The following RFX4 variants were observed in gnomAD, a reference collection of about 807,000 sequenced individuals.
RFX4 encodes the protein regulatory factor X4, also known as transcription factor RFX4.
In RFX4, 10 loss-of-function variants were observed where a neutral mutation model predicts 95.0. The ratio of observed to expected loss-of-function variants is 0.11; its 90% CI spans 0.06 to 0.18. The LOEUF is 0.18. Ranked by LOEUF, RFX4 falls within the 10% of genes least tolerant of loss-of-function variation. RFX4 has a pLI of 1.00. For missense variants in RFX4, 640 were observed against 922.0 expected (o/e 0.69, Z 3.96); for synonymous variants, 321 against 340.7 (o/e 0.94, Z 0.64).
At chr12:106,691,929 T>C (rs1293017006) in intron 7 of RFX4, among the ~76,000 whole-genome samples, 1 of 151,932 alleles carries the variant, frequency 6.6e-6, no homozygotes, top group African/African-American at 2.4e-5. Flanking sequence ...GAGGCCGAGG[T>C]GGGCAGATCA....
intron 1 of RFX4, among the ~76,000 whole-genome samples, chr12:106,595,120 A>ACGG (rs2039599891): frequency 3.3e-5 from 5 of 152,212 alleles, no homozygotes; most frequent in Non-Finnish European, 7.3e-5. Flanking sequence ...TTTAACTCAC[A>ACGG]TATTGACTCT....
At chr12:106,604,273 G>GC (rs2039777799) in intron 1 of RFX4, among the ~76,000 whole-genome samples, 1 of 151,728 alleles carries the variant, frequency 6.6e-6, no homozygotes, top group African/African-American at 2.4e-5. Flanking sequence ...GGCGTGTGCT[G>GC]CCCACACCCG....
At chr12:106,711,067 C>T (rs1393060545) in intron 9 of RFX4, among the ~76,000 whole-genome samples, 1 of 152,202 alleles carries the variant, frequency 6.6e-6, no homozygotes, top group Non-Finnish European at 1.5e-5. Context: ...TTTAAAGGGA[C>T]TTCTTCAAAG....
chr12:106,682,063 C>T lies in RFX4; in HGVS notation c.377+9C>T, dbSNP rs755570948. Reference sequence around the variant, plus strand: ...ACCCGAGGACAGTCAAAGTAAGCACCGGACGGCCATTCCACCTGCAGAGCG... The same window carrying T: ...ACCCGAGGACAGTCAAAGTAAGCACTGGACGGCCATTCCACCTGCAGAGCG... On this transcript the variant is annotated intron_variant, in intron 5 of 17. Coordinates refer to ENST00000392842, the MANE Select transcript of RFX4 (RefSeq NM_213594.3). The T allele has an allele frequency of 1.3e-5, 21 of 1,613,886 alleles. No individual in the cohort carries two copies. Among genetic ancestry groups the T allele is most frequent in the South Asian group, 6.6e-5 (6 of 91,082 alleles).
At position 106,647,918 on chromosome 12, in the gene RFX4, G is replaced by A. The variant is rs748055069; in HGVS notation, c.192-6310G>A. On this transcript the variant is annotated intron_variant, in intron 3 of 17. Coordinates refer to ENST00000392842, the MANE Select transcript of RFX4 (RefSeq NM_213594.3). The stretch of plus-strand genomic sequence containing the variant: ...CCCAGGCTATATGCTTGTAAGTGGT[G>A]GAGGCAGGATTCAAAGTCAGTGATC... 3.9e-5 allele frequency among the ~76,000 whole-genome samples: 6 copies of A among 152,238 alleles called. No individual in the cohort carries two copies. The South Asian group carries it at 1.2e-3, about 32-fold the overall frequency.
At chr12:106,658,145 A>C (rs1288961257) in intron 4 of RFX4, among the ~76,000 whole-genome samples, 1 of 152,172 alleles carries the variant, frequency 6.6e-6, no homozygotes, top group African/African-American at 2.4e-5. Flanking sequence ...TGTATGATTT[A>C]TATTTACATT....
At chr12:106,682,121 T>A in intron 5 of RFX4, 67 bp downstream of exon 5, 1 of 1,525,914 alleles carries the variant, frequency 6.6e-7, no homozygotes. Context: ...GGCCACACCC[T>A]TGGCTCTTTA....
chr12:106,644,365 C>G (rs2040699332), intron 3 of RFX4, among the ~76,000 whole-genome samples: 1 of 151,414 alleles, frequency 6.6e-6, no homozygotes. Context: ...TTCTAAGAAG[C>G]TGGGATTACA....
intron 4 of RFX4, among the ~76,000 whole-genome samples, chr12:106,661,096 G>C (rs927231424): frequency 2.0e-5 from 3 of 152,158 alleles, no homozygotes; most frequent in African/African-American, 2.4e-5. Flanking sequence ...GTCAGGTTTT[G>C]AGCCCTGAAC....
At position 106,761,628 on chromosome 12, in the gene RFX4, G is replaced by A. The variant is rs149915929; in HGVS notation, c.*159G>A. 3,320 of 402,806 alleles carry A rather than the reference G, an allele frequency of 8.2e-3. 29 individuals carry two copies. The highest frequency in any genetic ancestry group is 8.9e-3 in the Non-Finnish European group (2,365 of 266,832). 25.0% of individuals were successfully genotyped at this position (402,806 alleles called of 1,614,324 possible). A position where few individuals can be genotyped will look rare whatever the true frequency, so the allele number is the denominator to read the frequency against. ...TAATGAACATGAGGATGGGATCAAT[G>A]TGGGATGAATAAACTTTAGTTCAGA... is the stretch of plus-strand genomic sequence containing the variant. On this transcript the variant is annotated 3_prime_UTR_variant, in exon 18 of 18. Transcript: ENST00000392842.
chr12:106,685,186 A>G (rs2041617654), intron 5 of RFX4, among the ~76,000 whole-genome samples: 1 of 152,280 alleles, frequency 6.6e-6, no homozygotes, highest in East Asian at 1.9e-4. Context: ...AGCAGGGCCC[A>G]GGAGTCTCTA....
intron 7 of RFX4, chr12:106,693,024 TA>T (rs1401268331): frequency 2.7e-6 from 1 of 365,058 alleles, no homozygotes; most frequent in Non-Finnish European, 5.5e-6. Flanking sequence ...CCCAATTGCT[TA>T]AGCCACAAAC....
intron 1 of RFX4, among the ~76,000 whole-genome samples, chr12:106,584,621 T>G (rs1452905878): frequency 1.3e-5 from 2 of 152,034 alleles, no homozygotes; most frequent in Non-Finnish European, 2.9e-5. Context: ...GATATGGAAG[T>G]GGGGTGGGGG....
At chr12:106,658,346 C>G (rs1434137120) in intron 4 of RFX4, among the ~76,000 whole-genome samples, 1 of 152,162 alleles carries the variant, frequency 6.6e-6, no homozygotes, top group East Asian at 1.9e-4. Context: ...TCAAAGTTCT[C>G]CACCCAACTC....
chr12:106,687,135 TTCTCTCTCTTTCTC>T, intron 6 of RFX4, 38 bp downstream of exon 6: 1 of 1,461,362 alleles, frequency 6.8e-7, no homozygotes. Flanking sequence ...GGTGGGTGGT[TTCTCTCTCTTTCTC>T]TCTCTCTCTC....
intron 2 of RFX4, among the ~76,000 whole-genome samples, chr12:106,609,245 A>G (rs894527859): frequency 6.6e-6 from 1 of 152,210 alleles, no homozygotes; most frequent in Non-Finnish European, 1.5e-5. Flanking sequence ...GGTTCAAAGT[A>G]GTTGTGTCAC....
chr12:106,747,563 A>G lies in RFX4; in HGVS notation c.1760A>G (p.His587Arg). Residue 587 changes from histidine to arginine, a missense_variant, in exon 16 of 18, where the codon CAC becomes CGC. Coordinates refer to ENST00000392842, the MANE Select transcript of RFX4 (RefSeq NM_213594.3). The stretch of plus-strand genomic sequence containing the variant: ...CATGTGCCTTCTTCCTCCGTCACAC[A>G]CAGGATACCAGTTTATCCCCACAGA... The part of the protein sequence containing the change: ...NTHVPSSSVT[H>R]RIPVYPHREE... The G allele has an allele frequency of 6.2e-7, 1 of 1,614,066 alleles. No homozygotes were observed. Among genetic ancestry groups the G allele is most frequent in the South Asian group, 1.1e-5 (1 of 91,060 alleles).
chr12:106,750,083 G>C (rs906650818), intron 16 of RFX4, among the ~76,000 whole-genome samples: 1 of 152,190 alleles, frequency 6.6e-6, no homozygotes, highest in Non-Finnish European at 1.5e-5. Flanking sequence ...CGCTGGCTGG[G>C]GGGTAAGGGA....
intron 7 of RFX4, among the ~76,000 whole-genome samples, chr12:106,690,750 G>A (rs1028183197): frequency 6.6e-6 from 1 of 152,176 alleles, no homozygotes; most frequent in Non-Finnish European, 1.5e-5. Flanking sequence ...ATGGACGGGA[G>A]CTGGTCCCAC....
Sources: gnomAD v4.1 joint callset for allele counts (sites outside exome capture counted in the v4.1 genomes callset) on GRCh38, gnomAD v4.1.1 for gene constraint, MANE v1.5 for transcripts, NCBI Gene and HGNC (gene_info 2026-07-23, HGNC 2026-07-21) for gene names.